The following DNAH6 variants were observed in gnomAD, a reference collection of about 807,000 sequenced individuals.
DNAH6 encodes the protein axonemal beta dynein heavy chain 6.
A neutral mutation model predicts 491.4 loss-of-function variants in DNAH6; 340 were observed. That is an observed-to-expected ratio of 0.69 (90% CI 0.63 to 0.76). DNAH6 has a LOEUF of 0.76. Among genes scored for constraint, DNAH6 ranks in the 30% least tolerant of loss-of-function variants. The pLI is 0.00. For synonymous variants in DNAH6, 1,603 were observed against 1,686.1 expected (o/e 0.95, Z 1.21); for missense variants, 4,443 against 4,972.2 (o/e 0.89, Z 3.20).
chr2:84,799,616 C>T (rs1357005023), intron 70 of DNAH6, among the ~76,000 whole-genome samples: 4 of 152,272 alleles, frequency 2.6e-5, no homozygotes, highest in Non-Finnish European at 5.9e-5. Flanking sequence ...TGCAGACATA[C>T]TCCACAACTC....
At chr2:84,789,885 T>A (rs1677578716) in intron 68 of DNAH6, among the ~76,000 whole-genome samples, 1 of 152,122 alleles carries the variant, frequency 6.6e-6, no homozygotes, top group Non-Finnish European at 1.5e-5. Context: ...AAAATTTTGT[T>A]AAAGGGCACC....
intron 68 of DNAH6, among the ~76,000 whole-genome samples, chr2:84,790,734 C>T (rs1043475179): frequency 3.0e-4 from 46 of 152,182 alleles, no homozygotes; most frequent in Middle Eastern, 3.4e-3. Flanking sequence ...TAATAACAAA[C>T]GCAGGTGAGC....
the DNAH6 span, among the ~76,000 whole-genome samples, chr2:84,484,383 T>C: frequency 6.6e-6 from 1 of 152,196 alleles, no homozygotes; most frequent in African/African-American, 2.4e-5. Flanking sequence ...TTCATCTTGG[T>C]CTTAAACCAA....
At position 84,607,069 on chromosome 2, in the gene DNAH6, C is replaced by T; in HGVS notation, c.3268C>T (p.Gln1090Ter). 3 of 1,551,428 alleles carry T rather than the reference C, an allele frequency of 1.9e-6. No individual in the cohort carries two copies. Among genetic ancestry groups the T allele is most frequent in the Non-Finnish European group, 1.7e-6 (2 of 1,146,752 alleles). Residue 1090 changes from glutamine (Q) to a stop codon, truncating the protein, a stop_gained, in exon 21 of 77, where the codon CAA becomes TAA. Coordinates refer to ENST00000389394, the MANE Select transcript of DNAH6 (RefSeq NM_001370.2). LOFTEE classifies it high-confidence loss of function. Reference protein sequence around the residue: ...LKTRVDEWQKQLALFNQTLEE... With the variant: ...LKTRVDEWQK ...AACTCGAGTGGATGAATGGCAAAAACAACTTGCTTTATTTAATCAAACACT... is the reference window on the plus strand; with the variant it reads ...AACTCGAGTGGATGAATGGCAAAAATAACTTGCTTTATTTAATCAAACACT...
chr2:84,670,859 C>G (rs1334657577), intron 39 of DNAH6, among the ~76,000 whole-genome samples: 1 of 152,180 alleles, frequency 6.6e-6, no homozygotes, highest in Non-Finnish European at 1.5e-5. Flanking sequence ...TTTCTTCAGT[C>G]AGTACTTTCA....
intron 11 of DNAH6, among the ~76,000 whole-genome samples, chr2:84,564,256 A>C (rs528555027): frequency 1.3e-5 from 2 of 152,138 alleles, no homozygotes; most frequent in South Asian, 4.2e-4. Flanking sequence ...GTTTGATAGG[A>C]ATTGCATTGA....
the DNAH6 span, among the ~76,000 whole-genome samples, chr2:84,510,118 G>A: frequency 3.3e-5 from 5 of 152,084 alleles, no homozygotes; most frequent in Admixed American, 3.3e-4. Context: ...TTGAATGTTG[G>A]CCTGCCTTGC....
chr2:84,533,537 T>C (rs1677381081), intron 4 of DNAH6, among the ~76,000 whole-genome samples: 1 of 152,136 alleles, frequency 6.6e-6, no homozygotes, highest in African/African-American at 2.4e-5. Flanking sequence ...ATAGTGTATA[T>C]GGCGAATGTA....
chr2:84,485,077 A>C, the DNAH6 span, among the ~76,000 whole-genome samples: 2 of 152,240 alleles, frequency 1.3e-5, no homozygotes, highest in Non-Finnish European at 2.9e-5. Context: ...TAACTGTAAA[A>C]GTATGACAGA....
intron 62 of DNAH6, among the ~76,000 whole-genome samples, chr2:84,739,677 A>G (rs1672332425): frequency 6.6e-6 from 1 of 152,020 alleles, no homozygotes; most frequent in Admixed American, 6.6e-5. Flanking sequence ...CCTGATGCGA[A>G]TTTTTCAATT....
the DNAH6 span, among the ~76,000 whole-genome samples, chr2:84,486,272 T>C: frequency 6.6e-6 from 1 of 152,208 alleles, no homozygotes; most frequent in Non-Finnish European, 1.5e-5. Flanking sequence ...TCTGTACCTT[T>C]ACTTTAAGTA....
chr2:84,585,248 T>G (rs889575354), intron 15 of DNAH6, among the ~76,000 whole-genome samples: 7 of 152,234 alleles, frequency 4.6e-5, no homozygotes, highest in African/African-American at 1.7e-4. Context: ...ACTACTCATA[T>G]CAATAAAGCA....
At chr2:84,569,017 A>T (rs1681509883) in intron 11 of DNAH6, among the ~76,000 whole-genome samples, 1 of 152,228 alleles carries the variant, frequency 6.6e-6, no homozygotes, top group Non-Finnish European at 1.5e-5. Flanking sequence ...CCAACAATAC[A>T]ACCTTTAAAA....
chr2:84,805,795 G>A lies in DNAH6; in HGVS notation c.11611+1G>A. Reference sequence around the variant, plus strand: ...GCTTCTGTCCAGACCAGAGTTCCAGGTAATAAATAATTCTAGGAATCTGTA... The same window carrying A: ...GCTTCTGTCCAGACCAGAGTTCCAGATAATAAATAATTCTAGGAATCTGTA... On this transcript the variant is annotated splice_donor_variant, in intron 71 of 76. Coordinates refer to ENST00000389394, the MANE Select transcript of DNAH6 (RefSeq NM_001370.2). LOFTEE classifies it high-confidence loss of function. The A allele has an allele frequency of 1.9e-6, 3 of 1,548,234 alleles. No individual in the cohort carries two copies. Among genetic ancestry groups the A allele is most frequent in the Non-Finnish European group, 2.6e-6 (3 of 1,145,842 alleles).
At chr2:84,777,488 G>A (rs1264145264) in intron 64 of DNAH6, 4 of 694,510 alleles carry the variant, frequency 5.8e-6, no homozygotes, top group African/African-American at 3.5e-5. Context: ...TGCCAAATCT[G>A]CCACAGAGGG....
intron 56 of DNAH6, among the ~76,000 whole-genome samples, chr2:84,711,168 A>C (rs1010209253): frequency 1.3e-5 from 2 of 152,188 alleles, no homozygotes; most frequent in Non-Finnish European, 2.9e-5. Context: ...TGGATAGGCC[A>C]CCAAGGCTGG....
At chr2:84,625,335 C>T (rs770265258) in intron 29 of DNAH6, among the ~76,000 whole-genome samples, 3 of 151,998 alleles carry the variant, frequency 2.0e-5, no homozygotes, top group Non-Finnish European at 4.4e-5. Flanking sequence ...AAGAAAGAAA[C>T]GAGATGAGGT....
intron 63 of DNAH6, among the ~76,000 whole-genome samples, chr2:84,749,243 A>G (rs1184774242): frequency 2.0e-5 from 3 of 152,246 alleles, no homozygotes; most frequent in Non-Finnish European, 4.4e-5. Flanking sequence ...ACAGATGATT[A>G]TAATAAAAGA....
At chr2:84,475,556 G>A in the DNAH6 span, among the ~76,000 whole-genome samples, 1 of 152,206 alleles carries the variant, frequency 6.6e-6, no homozygotes, top group South Asian at 2.1e-4. Flanking sequence ...CCTGAGAAAC[G>A]GGGCATATTC....
Sources: gnomAD v4.1 joint callset for allele counts (sites outside exome capture counted in the v4.1 genomes callset) on GRCh38, gnomAD v4.1.1 for gene constraint, MANE v1.5 for transcripts, NCBI Gene and HGNC (gene_info 2026-07-23, HGNC 2026-07-21) for gene names.